The following CAPZB variants were observed in gnomAD, a reference collection of about 807,000 sequenced individuals.
The protein encoded by CAPZB is F-actin-capping protein subunit beta.
In CAPZB, 2 loss-of-function variants were observed where a neutral mutation model predicts 38.1. That is an observed-to-expected ratio of 0.05 (90% CI 0.02 to 0.17). The LOEUF (loss-of-function observed/expected upper bound fraction) is 0.17, where lower values mean the gene tolerates loss of function less well. CAPZB is among the 10% of genes least tolerant of loss of function. The probability of loss-of-function intolerance (pLI) is 1.00; values close to 1 mark genes in which losing one functional copy is unlikely to be tolerated. For missense variants in CAPZB, 161 were observed against 334.2 expected (o/e 0.48, Z 4.04); for synonymous variants, 107 against 127.4 (o/e 0.84, Z 1.08).
intron 1 of CAPZB, chr1:19,484,484 C>T: frequency 1.4e-6 from 2 of 1,424,398 alleles, no homozygotes; most frequent in South Asian, 2.7e-5. Context: ...TCGAGAAGGG[C>T]CCGCAGAGCA....
intron 1 of CAPZB, among the ~76,000 whole-genome samples, chr1:19,451,555 C>A (rs1156326776): frequency 6.6e-6 from 1 of 151,906 alleles, no homozygotes; most frequent in African/African-American, 2.4e-5. Context: ...ACCGAGTGTC[C>A]CACCTTAGTG....
At chr1:19,367,979 G>A (rs575261999) in intron 4 of CAPZB, among the ~76,000 whole-genome samples, 61 of 152,206 alleles carry the variant, frequency 4.0e-4, no homozygotes, top group Admixed American at 3.8e-3. Flanking sequence ...CTGGCCCCAT[G>A]GAGCTACCTC....
intron 1 of CAPZB, chr1:19,484,253 G>C (rs964195996): frequency 5.6e-6 from 9 of 1,612,462 alleles, no homozygotes; most frequent in Non-Finnish European, 7.6e-6. Context: ...TCAGAGGGAA[G>C]GGGAGGCTGC....
chr1:19,361,487 T>G (rs901453124), intron 4 of CAPZB, among the ~76,000 whole-genome samples: 3 of 152,200 alleles, frequency 2.0e-5, no homozygotes, highest in African/African-American at 7.2e-5. Flanking sequence ...AGCACCAGCC[T>G]CTCCTGCGAG....
intron 1 of CAPZB, among the ~76,000 whole-genome samples, chr1:19,435,381 A>G (rs2094455026): frequency 6.6e-6 from 1 of 152,218 alleles, no homozygotes; most frequent in Non-Finnish European, 1.5e-5. Flanking sequence ...AAGGGAAGCA[A>G]CAAGTTCCAG....
chr1:19,369,390 C>G (rs1316311811), intron 4 of CAPZB, among the ~76,000 whole-genome samples: 1 of 152,260 alleles, frequency 6.6e-6, no homozygotes, highest in East Asian at 1.9e-4. Flanking sequence ...TTCTCCAGAC[C>G]TTTCTCTCTG....
chr1:19,448,997 T>C, intron 1 of CAPZB: 1 of 1,581,890 alleles, frequency 6.3e-7, no homozygotes, highest in Non-Finnish European at 8.6e-7. Context: ...ATGACGTGAC[T>C]AGGGACGCTG....
chr1:19,385,430 G>A lies in CAPZB; in HGVS notation c.215+75C>T, dbSNP rs76572469. 67 of 1,587,108 alleles carry A rather than the reference G, an allele frequency of 4.2e-5. No homozygotes were observed. The East Asian group carries it at 9.4e-4, about 22-fold the overall frequency. ...CCAGCTGCCCAAGTCCAAGGTCCCC[G>A]TGCTCTGCAGCAGGTACCTACGGCA... is the stretch of plus-strand genomic sequence containing the variant. On this transcript the variant is annotated intron_variant, in intron 3 of 8. Transcript: ENST00000264202.
At chr1:19,479,059 A>G (rs2100811183) in intron 1 of CAPZB, among the ~76,000 whole-genome samples, 1 of 152,088 alleles carries the variant, frequency 6.6e-6, no homozygotes, top group South Asian at 2.1e-4. Flanking sequence ...AAATACAAAA[A>G]ATTAGCTAGG....
intron 3 of CAPZB, among the ~76,000 whole-genome samples, chr1:19,381,861 T>TCA (rs1399703146): frequency 3.3e-5 from 5 of 152,104 alleles, no homozygotes; most frequent in Non-Finnish European, 7.4e-5. Context: ...CAAAAGCCTC[T>TCA]CATCAGATCT....
chr1:19,368,914 T>C (rs1047018779), intron 4 of CAPZB, among the ~76,000 whole-genome samples: 4 of 152,266 alleles, frequency 2.6e-5, no homozygotes, highest in South Asian at 2.1e-4. Context: ...GCAGGGTCTC[T>C]GGCAGGATGG....
chr1:19,342,310 A>G (rs745349742), intron 8 of CAPZB, among the ~76,000 whole-genome samples: 4 of 152,186 alleles, frequency 2.6e-5, no homozygotes, highest in African/African-American at 9.7e-5. Context: ...CTGGACAGGC[A>G]ATGTGCCGCT....
At chr1:19,394,278 G>A (rs1240686385) in intron 2 of CAPZB, among the ~76,000 whole-genome samples, 1 of 151,948 alleles carries the variant, frequency 6.6e-6, no homozygotes, top group Non-Finnish European at 1.5e-5. Context: ...GAGCCACCGC[G>A]CCTGGCCAAG....
intron 2 of CAPZB, among the ~76,000 whole-genome samples, chr1:19,415,189 G>A (rs987092332): frequency 6.6e-5 from 10 of 152,168 alleles, no homozygotes; most frequent in Admixed American, 1.3e-4. Flanking sequence ...TAACATTCTC[G>A]TCCATCTTAA....
intron 6 of CAPZB, among the ~76,000 whole-genome samples, chr1:19,353,045 G>C (rs1285949481): frequency 6.6e-6 from 1 of 152,254 alleles, no homozygotes; most frequent in African/African-American, 2.4e-5. Flanking sequence ...CAGATGGGCC[G>C]TGGGAAACAG....
At chr1:19,412,771 C>T (rs2094362784) in intron 2 of CAPZB, among the ~76,000 whole-genome samples, 1 of 152,152 alleles carries the variant, frequency 6.6e-6, no homozygotes, top group South Asian at 2.1e-4. Flanking sequence ...AGGTGGCGAG[C>T]AATGGCTTGC....
chr1:19,470,684 A>G (rs1201726811), intron 1 of CAPZB, among the ~76,000 whole-genome samples: 1 of 152,214 alleles, frequency 6.6e-6, no homozygotes, highest in Non-Finnish European at 1.5e-5. Context: ...ATTCCATGAC[A>G]CAGCAGAGGC....
chr1:19,400,463 A>AG (rs1469474804), intron 2 of CAPZB, among the ~76,000 whole-genome samples: 6 of 152,162 alleles, frequency 3.9e-5, no homozygotes, highest in Admixed American at 3.3e-4. Flanking sequence ...ACATGTTCTA[A>AG]GGGGGGCGAC....
chr1:19,375,787 C>G (rs2094141701), intron 4 of CAPZB, among the ~76,000 whole-genome samples: 1 of 152,240 alleles, frequency 6.6e-6, no homozygotes, highest in African/African-American at 2.4e-5. Flanking sequence ...GGTTTTCTAG[C>G]TGTGTTAACC....
Sources: gnomAD v4.1 joint callset for allele counts (sites outside exome capture counted in the v4.1 genomes callset) on GRCh38, gnomAD v4.1.1 for gene constraint, MANE v1.5 for transcripts, NCBI Gene and HGNC (gene_info 2026-07-23, HGNC 2026-07-21) for gene names.